The following ADCY7 variants were observed in gnomAD, a reference collection of about 807,000 sequenced individuals.
ADCY7 encodes the protein adenylate cyclase type 7.
Under a neutral mutation model 120.6 loss-of-function variants are expected in ADCY7, and 72 were observed. The ratio of observed to expected loss-of-function variants is 0.60; its 90% confidence interval spans 0.49 to 0.73. ADCY7 has a LOEUF of 0.73. ADCY7 is among the 30% of genes least tolerant of loss of function. The probability of loss-of-function intolerance (pLI) is 0.00; values close to 1 mark genes in which losing one functional copy is unlikely to be tolerated. For synonymous variants in ADCY7, 661 were observed against 628.0 expected, an observed-to-expected ratio of 1.05 and a Z score of -0.78; for missense variants, 1,227 against 1,486.0, an observed-to-expected ratio of 0.83 and a Z score of 2.87.
At chr16:50,293,324 C>A in intron 5 of ADCY7, 30 bp from the exon 6 acceptor site, 1 of 1,603,480 alleles carries the variant, frequency 6.2e-7, no homozygotes. Context: ...CTTTGCTGGT[C>A]CCTCTGCTGG....
chr16:50,253,025 G>A (rs146016706), intron 1 of ADCY7, among the ~76,000 whole-genome samples: 166 of 152,210 alleles, frequency 1.1e-3, no homozygotes, highest in African/African-American at 3.7e-3. Flanking sequence ...CCAGGCTTTG[G>A]GTGTGGAGTT....
At chr16:50,257,786 A>G (rs1363187909) in intron 1 of ADCY7, among the ~76,000 whole-genome samples, 1 of 151,368 alleles carries the variant, frequency 6.6e-6, no homozygotes, top group East Asian at 1.9e-4. Flanking sequence ...TCTGTTGCCC[A>G]GGCTAGAGTG....
At chr16:50,246,263 G>A (rs1596778129) in intron 1 of ADCY7, 1 of 150,660 alleles carries the variant, frequency 6.6e-6, no homozygotes, top group Non-Finnish European at 1.5e-5. Context: ...GGGGTCGGGG[G>A]TGCCCGTGGC....
At chr16:50,264,978 AGGCTCAT>A (rs1311524989), upstream of ADCY7, among the ~76,000 whole-genome samples, 14 of 151,932 alleles carry the variant, frequency 9.2e-5, no homozygotes, top group Admixed American at 9.2e-4. Flanking sequence ...CTGGGATTAC[AGGCTCAT>A]GCCACCACGC....
intron 19 of ADCY7, 123 bp downstream of exon 19, chr16:50,311,003 G>C: frequency 9.7e-7 from 1 of 1,029,700 alleles, no homozygotes; most frequent in Non-Finnish European, 1.4e-6. Flanking sequence ...GGGGCTGGCA[G>C]ATGGTGTCCA....
intron 17 of ADCY7, 172 bp downstream of exon 17, chr16:50,308,964 C>G: frequency 1.3e-6 from 1 of 774,622 alleles, no homozygotes; most frequent in South Asian, 2.8e-5. Flanking sequence ...TTTGGGTTCT[C>G]AAATGCGGAC....
chr16:50,304,429 G>A lies in ADCY7; in HGVS notation c.1438G>A (p.Ala480Thr). 1 of 1,604,706 alleles carries A rather than the reference G, an allele frequency of 6.2e-7. No individual in the cohort carries two copies. The highest frequency in any genetic ancestry group is 8.5e-7 in the Non-Finnish European group (1 of 1,175,570). Residue 480 changes from alanine to threonine, a missense_variant, in exon 11 of 26, where the codon GCG becomes ACG. Around this residue, in one of 5 missense-constraint regions of ADCY7, gnomAD observed 332 missense variants for 455.8 expected, o/e 0.73. Coordinates refer to ENST00000673801, the MANE Select transcript of ADCY7 (RefSeq NM_001114.5). ...GGGGGACGCGGCCCTGAAGATGCGGGCGTCAGTGCGCATGACCCGGTACCT... is the reference window on the plus strand; with the variant it reads ...GGGGGACGCGGCCCTGAAGATGCGGACGTCAGTGCGCATGACCCGGTACCT... ...PKGDAALKMR[A>T]SVRMTRYLES...
At chr16:50,277,942 T>C (rs932872799) in intron 1 of ADCY7, among the ~76,000 whole-genome samples, 9 of 152,008 alleles carry the variant, frequency 5.9e-5, no homozygotes, top group Non-Finnish European at 1.2e-4. Flanking sequence ...AGTGCTGGGA[T>C]TACAGGCTTG....
chr16:50,298,303 T>G (rs186103553), intron 7 of ADCY7, among the ~76,000 whole-genome samples: 254 of 152,258 alleles, frequency 1.7e-3, no homozygotes, highest in African/African-American at 6.0e-3. Context: ...CCAGGGCTCC[T>G]GTGAGTCCTT....
rs2035445942 is a variant in ADCY7 at position 50,297,696 on chromosome 16, T to C, written c.949-1208T>C. ...TGGGGCCTGGGTCTGTGATGGCTGA[T>C]GGGCACAGAGTAGGGACGAGGACAG... On this transcript the variant is annotated intron_variant, in intron 7 of 25. Coordinates refer to ENST00000673801, the MANE Select transcript of ADCY7 (RefSeq NM_001114.5). This position sits in a 1 kb window ranked among gnomAD's most constrained non-coding sequence, Gnocchi z 4.4. Among the ~76,000 whole-genome samples, 2 of 152,110 alleles carry C rather than the reference T, an allele frequency of 1.3e-5. No individual in the cohort carries two copies. Among genetic ancestry groups the C allele is most frequent in the Non-Finnish European group, 2.9e-5 (2 of 68,010 alleles).
At chr16:50,310,215 G>A (rs1567578943) in intron 18 of ADCY7, among the ~76,000 whole-genome samples, 1 of 152,226 alleles carries the variant, frequency 6.6e-6, no homozygotes, top group Non-Finnish European at 1.5e-5. Flanking sequence ...TTGTCTCCTG[G>A]AGAGGGAGTG....
chr16:50,260,894 G>A lies in ADCY7; in HGVS notation c.-64+14691G>A, dbSNP rs575984408. Among the ~76,000 whole-genome samples, 7 of 152,336 alleles carry A rather than the reference G, an allele frequency of 4.6e-5. No homozygotes were observed. The South Asian group carries it at 8.3e-4, about 18-fold the overall frequency. On this transcript the variant is annotated intron_variant, in intron 1 of 4. Transcript: ENST00000564044. Reference sequence around the variant, plus strand: ...GAGATCTTTCATGATCTCAGAAGCCGCATATTGTGGTTTCCACGATATTTT... The same window carrying A: ...GAGATCTTTCATGATCTCAGAAGCCACATATTGTGGTTTCCACGATATTTT...
chr16:50,304,737 C>T (rs899181643), intron 11 of ADCY7, among the ~76,000 whole-genome samples, 186 bp downstream of exon 11: 5 of 152,218 alleles, frequency 3.3e-5, no homozygotes, highest in African/African-American at 1.2e-4. Flanking sequence ...CCGGGATGGC[C>T]AGGAACATCC....
chr16:50,313,957 G>A lies in ADCY7; in HGVS notation c.2752-1G>A. The stretch of plus-strand genomic sequence containing the variant: ...CTTCACCGCTTCCTTCTTGCCTGCA[G>A]CTCCTACTGAAGCCCAAGTTCAGCG... On this transcript the variant is annotated splice_acceptor_variant, in intron 22 of 25. Transcript: ENST00000673801. LOFTEE classifies it high-confidence loss of function. 6.2e-7 allele frequency: 1 copy of A among 1,612,662 alleles called. No individual in the cohort carries two copies.
chr16:50,288,384 G>A (rs764582125), intron 2 of ADCY7, 34 bp downstream of exon 2: 12 of 1,504,088 alleles, frequency 8.0e-6, no homozygotes, highest in Middle Eastern at 1.7e-4. Context: ...TTCACGTCTC[G>A]GCCCCAACCT....
chr16:50,252,507 G>A (rs1158711097), intron 1 of ADCY7, among the ~76,000 whole-genome samples: 3 of 149,962 alleles, frequency 2.0e-5, no homozygotes, highest in Non-Finnish European at 4.4e-5. Flanking sequence ...TGTGTGCCTG[G>A]GTAGGCATTG....
At chr16:50,270,148 C>T (rs947534654) in intron 1 of ADCY7, among the ~76,000 whole-genome samples, 2 of 151,176 alleles carry the variant, frequency 1.3e-5, no homozygotes, top group African/African-American at 4.9e-5. Flanking sequence ...CTGTACTCCA[C>T]TCTGGGTAAT....
At chr16:50,261,250 A>G (rs2033049891) in intron 1 of ADCY7, among the ~76,000 whole-genome samples, 1 of 152,116 alleles carries the variant, frequency 6.6e-6, no homozygotes, top group African/African-American at 2.4e-5. Flanking sequence ...ATTGTGGCCT[A>G]GAGGAGGTGA....
At chr16:50,299,146 TG>T in intron 8 of ADCY7, 115 bp downstream of exon 8, 4 of 1,379,068 alleles carry the variant, frequency 2.9e-6, no homozygotes, top group Non-Finnish European at 3.8e-6. Flanking sequence ...CTCGGGGGGT[TG>T]GGGGTGAAAG....
Sources: gnomAD v4.1 joint callset for allele counts (sites outside exome capture counted in the v4.1 genomes callset) on GRCh38, gnomAD v4.1.1 for gene constraint, gnomAD v4.1.1 regional missense constraint, Gnocchi (gnomAD v3.1) non-coding constraint, MANE v1.5 for transcripts, NCBI Gene and HGNC (gene_info 2026-07-23, HGNC 2026-07-21) for gene names.